Variants in ESRRG observed in about 807,000 individuals in gnomAD.
ESRRG encodes the protein estrogen-related receptor gamma.
ESRRG carries 13 observed loss-of-function variants against 44.0 expected under a neutral mutation model. That is an observed-to-expected ratio of 0.30 (90% CI 0.19 to 0.47). The LOEUF (loss-of-function observed/expected upper bound fraction) is 0.47, where lower values mean the gene tolerates loss of function less well. Among genes scored for constraint, ESRRG ranks in the 20% least tolerant of loss-of-function variants. ESRRG has a pLI of 1.00. For missense variants in ESRRG, 395 were observed against 580.6 expected (o/e 0.68, Z 3.29); for synonymous variants, 215 against 214.6 (o/e 1.00, Z -0.02).
intron 2 of ESRRG, among the ~76,000 whole-genome samples, chr1:216,771,685 A>C (rs1375937941): frequency 6.6e-6 from 1 of 152,088 alleles, no homozygotes; most frequent in Non-Finnish European, 1.5e-5. Flanking sequence ...ACCTAGAAAT[A>C]TTTTGAGGAA....
At chr1:216,720,563 T>A (rs559779353) in intron 1 of ESRRG, among the ~76,000 whole-genome samples, 2 of 152,238 alleles carry the variant, frequency 1.3e-5, no homozygotes, top group East Asian at 3.9e-4. Flanking sequence ...TGATCTCGGC[T>A]TTTTTGTTGT....
At chr1:216,752,773 C>T (rs115871777) in intron 2 of ESRRG, among the ~76,000 whole-genome samples, 202 of 152,108 alleles carry the variant, frequency 1.3e-3, no homozygotes, top group African/African-American at 4.7e-3. Flanking sequence ...CCCATCCATG[C>T]CTCTTATTAG....
At chr1:216,771,619 C>T (rs1207111672) in intron 2 of ESRRG, among the ~76,000 whole-genome samples, 1 of 152,016 alleles carries the variant, frequency 6.6e-6, no homozygotes, top group Non-Finnish European at 1.5e-5. Flanking sequence ...TGATGATGCT[C>T]ATATACTGTA....
chr1:216,783,648 C>T (rs1170850459), intron 2 of ESRRG, among the ~76,000 whole-genome samples: 3 of 151,956 alleles, frequency 2.0e-5, no homozygotes, highest in African/African-American at 4.8e-5. Context: ...AAGCTATTCC[C>T]TCCTCAATTG....
At chr1:216,939,768 A>T (rs541112150) in intron 1 of ESRRG, 35 of 152,250 alleles carry the variant, frequency 2.3e-4, no homozygotes, top group Admixed American at 6.5e-4. Flanking sequence ...GCATTTAATA[A>T]AATCTCCCAG....
At chr1:216,762,656 GTAAC>G (rs1258985470) in intron 2 of ESRRG, among the ~76,000 whole-genome samples, 8 of 151,784 alleles carry the variant, frequency 5.3e-5, no homozygotes, top group Admixed American at 5.3e-4. Context: ...GTATACATAT[GTAAC>G]TAACCTGCAT....
chr1:216,878,271 C>T (rs1241850985), intron 2 of ESRRG, among the ~76,000 whole-genome samples: 1 of 152,038 alleles, frequency 6.6e-6, no homozygotes, highest in Non-Finnish European at 1.5e-5. Flanking sequence ...ACTGAGATTG[C>T]TATCTTTTTC....
At chr1:216,900,025 C>G (rs549624959) in intron 2 of ESRRG, among the ~76,000 whole-genome samples, 2 of 152,274 alleles carry the variant, frequency 1.3e-5, no homozygotes, top group East Asian at 3.9e-4. Flanking sequence ...TTTCCTTCAT[C>G]CCTCGCTTTT....
In ESRRG at chr1:216,620,606, C is replaced by T. The variant is rs1355955724; in HGVS notation, c.589+30367G>A. Among the ~76,000 whole-genome samples, 3 of 152,150 alleles carry T rather than the reference C, an allele frequency of 2.0e-5. No individual in the cohort carries two copies. In the East Asian group the frequency reaches 5.8e-4, roughly 29 times the overall value. On this transcript the variant is annotated intron_variant, in intron 3 of 6. Coordinates refer to ENST00000408911, the MANE Select transcript of ESRRG (RefSeq NM_001438.4). ...AGTCATTGACTAATATAAGCCAATC[C>T]TCCCTTCACCTCTAATTCATTCACA...
At chr1:217,084,725 G>T (rs937109487) in intron 1 of ESRRG, among the ~76,000 whole-genome samples, 1 of 152,036 alleles carries the variant, frequency 6.6e-6, no homozygotes, top group Admixed American at 6.5e-5. Flanking sequence ...AAGTGTCCAG[G>T]TTATTTATTT....
At chr1:216,955,748 C>T (rs559310340) in intron 1 of ESRRG, among the ~76,000 whole-genome samples, 24 of 152,064 alleles carry the variant, frequency 1.6e-4, no homozygotes, top group African/African-American at 1.7e-4. Context: ...CTAAATGAAG[C>T]GAAATGATAT....
At chr1:216,891,794 CTTTTTTT>C (rs35043282) in intron 2 of ESRRG, among the ~76,000 whole-genome samples, 1 of 102,384 alleles carries the variant, frequency 9.8e-6, no homozygotes, top group Non-Finnish European at 1.9e-5. Context: ...GTGGTGCCCG[CTTTTTTT>C]TTTTTTTTTT....
At position 216,972,015 on chromosome 1, in the gene ESRRG, G is replaced by T. The variant is rs144990062; in HGVS notation, c.-105-32342C>A. On this transcript the variant is annotated intron_variant, in intron 1 of 7. Coordinates refer to the ESRRG transcript ENST00000359162. Reference sequence around the variant, plus strand: ...CAGGACTAATGATTTTGAGGTTAGGGTGTTTAGACATTATTACCTCTGATG... The same window carrying T: ...CAGGACTAATGATTTTGAGGTTAGGTTGTTTAGACATTATTACCTCTGATG... Among the ~76,000 whole-genome samples the T allele has an allele frequency of 1.3e-4, 20 of 152,276 alleles. No individual in the cohort carries two copies. In the East Asian group the frequency reaches 3.5e-3, roughly 26 times the overall value.
chr1:216,789,231 T>C (rs1012175368), intron 2 of ESRRG, among the ~76,000 whole-genome samples: 1 of 152,148 alleles, frequency 6.6e-6, no homozygotes, highest in Non-Finnish European at 1.5e-5. Flanking sequence ...AGTCAATCAA[T>C]GTGGCAAACT....
chr1:216,569,603 G>T (rs986660681), intron 3 of ESRRG, among the ~76,000 whole-genome samples: 1 of 152,186 alleles, frequency 6.6e-6, no homozygotes, highest in African/African-American at 2.4e-5. Context: ...GTTTAGCACA[G>T]GACCATATAA....
chr1:216,916,613 G>A (rs991193284), intron 2 of ESRRG, among the ~76,000 whole-genome samples: 2 of 152,122 alleles, frequency 1.3e-5, no homozygotes, highest in African/African-American at 4.8e-5. Context: ...TACCACTGCT[G>A]TGTTCCTCTT....
intron 1 of ESRRG, among the ~76,000 whole-genome samples, chr1:217,073,197 CAAAAAAAAAAAAAAAAAAAA>C (rs34950214): frequency 2.6e-5 from 2 of 75,984 alleles, no homozygotes; most frequent in African/African-American, 1.0e-4. Context: ...CCTTTCTGGA[CAAAAAAAAAAAAAAAAAAAA>C]AAAAAAAAAA....
intron 2 of ESRRG, among the ~76,000 whole-genome samples, chr1:216,911,280 T>G (rs1240537458): frequency 1.3e-5 from 2 of 152,166 alleles, no homozygotes. Context: ...GACGCTGGAC[T>G]GTTATTCAGT....
intron 1 of ESRRG, among the ~76,000 whole-genome samples, chr1:217,052,464 A>G (rs1465658318): frequency 2.0e-5 from 3 of 152,210 alleles, no homozygotes; most frequent in Non-Finnish European, 4.4e-5. Context: ...ATTATTTGTT[A>G]CAGCTTGAGT....
Sources: allele counts gnomAD v4.1 joint callset (sites outside exome capture counted in the v4.1 genomes callset), GRCh38; gene constraint gnomAD v4.1.1; transcripts MANE v1.5; gene names NCBI Gene and HGNC (gene_info 2026-07-23, HGNC 2026-07-21).